TSC22D2: variants seen among roughly 807,000 people sequenced by gnomAD.
The protein encoded by TSC22D2 is TSC22 domain family protein 2.
TSC22D2 carries 5 observed loss-of-function variants against 50.1 expected under a neutral mutation model. The ratio of observed to expected loss-of-function variants is 0.10; its 90% confidence interval spans 0.05 to 0.21. The LOEUF (loss-of-function observed/expected upper bound fraction) is 0.21. TSC22D2 is among the 10% of genes least tolerant of loss of function. The pLI is 1.00. For synonymous variants in TSC22D2, 501 were observed against 450.1 expected, an observed-to-expected ratio of 1.11 and a Z score of -1.43; for missense variants, 1,003 against 1,015.5, an observed-to-expected ratio of 0.99 and a Z score of 0.17.
At chr3:150,452,831 C>T (rs1053440585) in intron 1 of TSC22D2, among the ~76,000 whole-genome samples, 1 of 152,140 alleles carries the variant, frequency 6.6e-6, no homozygotes, top group African/African-American at 2.4e-5. Context: ...TCTGTTCATT[C>T]TCTCCATATC....
intron 1 of TSC22D2, among the ~76,000 whole-genome samples, chr3:150,445,767 G>A (rs566110369): frequency 9.2e-5 from 14 of 152,178 alleles, no homozygotes; most frequent in Admixed American, 5.2e-4. Flanking sequence ...GTTTCAGTAT[G>A]TTAACTTGCT....
intron 1 of TSC22D2, among the ~76,000 whole-genome samples, chr3:150,427,112 G>A (rs1195334968): frequency 6.6e-6 from 1 of 152,064 alleles, no homozygotes; most frequent in Non-Finnish European, 1.5e-5. Context: ...ACATCCACCA[G>A]TACTTGTTAT....
At chr3:150,454,681 G>C (rs1576559052) in intron 1 of TSC22D2, among the ~76,000 whole-genome samples, 1 of 152,146 alleles carries the variant, frequency 6.6e-6, no homozygotes, top group East Asian at 1.9e-4. Flanking sequence ...TAGAATTCTT[G>C]AATAATAGCC....
chr3:150,416,430 G>A (rs1719805948), intron 1 of TSC22D2, among the ~76,000 whole-genome samples: 1 of 152,082 alleles, frequency 6.6e-6, no homozygotes, highest in Non-Finnish European at 1.5e-5. Context: ...AGGAGTATGT[G>A]TAGCAAAACT....
chr3:150,412,250 CTT>C (rs1560078752), intron 1 of TSC22D2, among the ~76,000 whole-genome samples: 1 of 152,034 alleles, frequency 6.6e-6, no homozygotes, highest in African/African-American at 2.4e-5. Context: ...TAAAAGCTGA[CTT>C]GTTGCAATGT....
At chr3:150,452,412 C>A (rs1410447400) in intron 1 of TSC22D2, among the ~76,000 whole-genome samples, 2 of 151,922 alleles carry the variant, frequency 1.3e-5, no homozygotes, top group Non-Finnish European at 2.9e-5. Flanking sequence ...GCCATTTCAC[C>A]CCAGCCTGGG....
intron 1 of TSC22D2, among the ~76,000 whole-genome samples, chr3:150,432,851 T>C (rs1720424008): frequency 1.3e-5 from 2 of 152,106 alleles, no homozygotes; most frequent in Admixed American, 1.3e-4. Flanking sequence ...TTTGGGGTGG[T>C]AGGTAGAGGT....
intron 1 of TSC22D2, among the ~76,000 whole-genome samples, chr3:150,448,027 T>C (rs569621596): frequency 3.9e-5 from 6 of 152,330 alleles, no homozygotes; most frequent in Non-Finnish European, 7.4e-5. Context: ...GAGCCTGCTC[T>C]AAATGTTAAG....
At chr3:150,447,004 T>A (rs576802475) in intron 1 of TSC22D2, among the ~76,000 whole-genome samples, 8 of 152,244 alleles carry the variant, frequency 5.3e-5, no homozygotes, top group South Asian at 4.1e-4. Context: ...AGAAAAGAAA[T>A]AGGCAAAATG....
chr3:150,411,718 T>C (rs1719579351), intron 1 of TSC22D2, among the ~76,000 whole-genome samples: 2 of 151,740 alleles, frequency 1.3e-5, no homozygotes, highest in African/African-American at 4.9e-5. Context: ...CTACAAGTTT[T>C]CCTTTCTGGA....
rs1049796864 is a variant in TSC22D2 at position 150,410,477 on chromosome 3, G to A, written c.1127G>A (p.Gly376Asp). 1.9e-6 allele frequency: 3 copies of A among 1,607,284 alleles called. No individual in the cohort carries two copies. The highest frequency in any genetic ancestry group is 1.7e-4 in the Middle Eastern group (1 of 6,058). ...CATTTGCTGCCCGTCCAGCCCTCCGGCCAGAGTGAGTACCTGCAGCAGCAC... is the reference window on the plus strand; with the variant it reads ...CATTTGCTGCCCGTCCAGCCCTCCGACCAGAGTGAGTACCTGCAGCAGCAC... ...PGHLLPVQPS[G>D]QSEYLQQHVA... Residue 376 changes from glycine (G) to aspartate (D), a missense_variant, in exon 1 of 3, where the codon GGC becomes GAC. Gly to Asp is a moderately conservative substitution (Grantham distance 94). Transcript: ENST00000688009.
intron 1 of TSC22D2, among the ~76,000 whole-genome samples, chr3:150,445,344 A>G (rs940922184): frequency 6.7e-6 from 1 of 148,910 alleles, no homozygotes; most frequent in Admixed American, 6.7e-5. Context: ...TAATAATAAT[A>G]ATAATAATAA....
In TSC22D2 at chr3:150,465,783, A is replaced by G. The variant is rs1398532495; in HGVS notation, c.*7147A>G. 6.6e-6 allele frequency: 1 copy of G among 152,152 alleles called. No individual in the cohort carries two copies. Among genetic ancestry groups the G allele is most frequent in the African/African-American group, 2.4e-5 (1 of 41,442 alleles). The allele number at this position is 152,152 out of a possible 1,614,324, so 9.4% of individuals were successfully genotyped here. A position where few individuals can be genotyped will look rare whatever the true frequency, so the allele number is the denominator to read the frequency against. ...TAAAAATCTCTCACTATCCCTCTCC[A>G]TCCTGCCTGGGACAGGAATCATCCC... On this transcript the variant is annotated 3_prime_UTR_variant, in exon 3 of 3. Coordinates refer to ENST00000688009, the MANE Select transcript of TSC22D2 (RefSeq NM_001303264.2).
intron 1 of TSC22D2, among the ~76,000 whole-genome samples, chr3:150,441,053 A>T (rs898670449): frequency 2.6e-4 from 38 of 148,834 alleles, no homozygotes; most frequent in Middle Eastern, 3.6e-3. Flanking sequence ...TATATTAAAA[A>T]ATATATATAT....
At chr3:150,417,468 T>G (rs1576542818) in intron 1 of TSC22D2, among the ~76,000 whole-genome samples, 2 of 152,208 alleles carry the variant, frequency 1.3e-5, no homozygotes, top group East Asian at 3.9e-4. Flanking sequence ...ATAAAACCAA[T>G]AGCGTGTTTA....
At chr3:150,413,275 A>G (rs1311291574) in intron 1 of TSC22D2, among the ~76,000 whole-genome samples, 1 of 152,246 alleles carries the variant, frequency 6.6e-6, no homozygotes, top group Non-Finnish European at 1.5e-5. Context: ...ATACTACTGT[A>G]TCAGTGTTCT....
At position 150,459,572 on chromosome 3, in the gene TSC22D2, G is replaced by GTTTTTTTTTTTTTTGTTT. The variant is rs11330414; in HGVS notation, c.*949_*950insTGTTTTTTTTTTTTTTTT. 4.3e-5 allele frequency: 5 copies of GTTTTTTTTTTTTTTGTTT among 115,552 alleles called. No homozygotes were observed. The highest frequency in any genetic ancestry group is 9.0e-5 in the Non-Finnish European group (5 of 55,822). The allele number at this position is 115,552 out of a possible 1,614,324, so 7.2% of individuals were successfully genotyped here. Reference sequence around the variant, plus strand: ...TAATGGAGTTTGGTTTTTTTTTGTTGTTTTTTTTTTTTTGTCTTTTTTTTT... The same window carrying GTTTTTTTTTTTTTTGTTT: ...TAATGGAGTTTGGTTTTTTTTTGTTGTTTTTTTTTTTTTTGTTTTTTTTTTTTTTTTGTCTTTTTTTTT... On this transcript the variant is annotated 3_prime_UTR_variant, in exon 3 of 3. Transcript: ENST00000688009.
At chr3:150,448,471 AC>A (rs1281950680) in intron 1 of TSC22D2, among the ~76,000 whole-genome samples, 5 of 152,050 alleles carry the variant, frequency 3.3e-5, no homozygotes, top group African/African-American at 4.8e-5. Flanking sequence ...GCATCACAAG[AC>A]CCCATCTCTA....
In TSC22D2 at chr3:150,411,870, G is replaced by A. The variant is rs77286893; in HGVS notation, c.1958+562G>A. On this transcript the variant is annotated intron_variant, in intron 1 of 2. Transcript: ENST00000688009. ...TAGTTCAGCCTTTTGATTAAAGGAG[G>A]TACAAGGTCACGAGTCTTCCCAGGG... Among the ~76,000 whole-genome samples the A allele has an allele frequency of 3.0e-3, 452 of 152,278 alleles. 3 individuals are homozygous for A. The highest frequency in any genetic ancestry group is 0.01 in the African/African-American group (422 of 41,542).
Sources: gnomAD v4.1 joint callset for allele counts (sites outside exome capture counted in the v4.1 genomes callset) on GRCh38, gnomAD v4.1.1 for gene constraint, MANE v1.5 for transcripts, NCBI Gene and HGNC (gene_info 2026-07-23, HGNC 2026-07-21) for gene names.